ADGRF5: variants seen among roughly 807,000 people sequenced by gnomAD.
ADGRF5 encodes adhesion G protein-coupled receptor F5, also known as G-protein coupled receptor 116.
Under a neutral mutation model 132.3 loss-of-function variants are expected in ADGRF5, and 75 were observed. That is an observed-to-expected ratio of 0.57 (90% CI 0.47 to 0.69). ADGRF5 has a LOEUF of 0.69. ADGRF5 is among the 30% of genes least tolerant of loss of function. The probability of loss-of-function intolerance (pLI) is 0.00; values close to 1 mark genes in which losing one functional copy is unlikely to be tolerated. For missense variants in ADGRF5, 1,516 were observed against 1,630.6 expected (o/e 0.93, Z 1.21); for synonymous variants, 629 against 597.6 (o/e 1.05, Z -0.77).
intron 14 of ADGRF5, 49 bp from the exon 15 acceptor site, chr6:46,863,145 TA>T: frequency 7.3e-7 from 1 of 1,377,084 alleles, no homozygotes; most frequent in African/African-American, 1.4e-5. Context: ...GAAGAGACAA[TA>T]TAGTAGAAAT....
Position 46,858,896 on chromosome 6 carries a change from C to G in ADGRF5, c.3007G>C (p.Asp1003His), listed in dbSNP as rs775202767. The change falls in exon 17 of 21, where the codon GAT becomes CAT. Residue 1003 changes from aspartate (D) to histidine (H), a missense_variant. Transcript: ENST00000283296. ...AGTATTCCCAGGAGAGAACTAGGATCTGGGGAGTCAGGGGACATGAGGATG... is the reference window on the plus strand; with the variant it reads ...AGTATTCCCAGGAGAGAACTAGGATGTGGGGAGTCAGGGGACATGAGGATG... ...FSILMSPDSP[D>H]PSSLLGILLD... is the part of the protein sequence containing the mutation. The G allele has an allele frequency of 6.2e-7, 1 of 1,614,112 alleles. No homozygotes were observed. The highest frequency in any genetic ancestry group is 2.2e-5 in the East Asian group (1 of 44,870).
intron 2 of ADGRF5, among the ~76,000 whole-genome samples, chr6:46,902,743 A>G (rs1774902877): frequency 6.6e-6 from 1 of 152,166 alleles, no homozygotes; most frequent in Non-Finnish European, 1.5e-5. Flanking sequence ...GTCCAGTGGG[A>G]GCAGCCTACT....
chr6:46,858,830 A>G lies in ADGRF5; in HGVS notation c.3073T>C (p.Leu1025=), dbSNP rs373911954. 28 of 1,614,036 alleles carry G rather than the reference A, an allele frequency of 1.7e-5. No homozygotes were observed. Among genetic ancestry groups the G allele is most frequent in the Non-Finnish European group, 2.4e-5 (28 of 1,180,004 alleles). The part of the protein sequence containing the change: ...ISYVGVGFSI[L]SLAACLVVEA... ...ACAACTAGACAGGCTGCCAAGCTCAAGATGGAAAAGCCCACCCCAACATAA... is the reference window on the plus strand; with the variant it reads ...ACAACTAGACAGGCTGCCAAGCTCAGGATGGAAAAGCCCACCCCAACATAA... The change falls in exon 17 of 21, where the codon TTG becomes CTG. Residue 1025 remains leucine, a synonymous_variant. Coordinates refer to ENST00000283296, the MANE Select transcript of ADGRF5 (RefSeq NM_001098518.2).
intron 16 of ADGRF5, 79 bp downstream of exon 16, chr6:46,860,636 G>C: frequency 1.0e-6 from 1 of 996,766 alleles, no homozygotes; most frequent in East Asian, 2.4e-5. Context: ...CAATGGGGAG[G>C]AATTACGTTT....
rs934623698 is a variant in ADGRF5 at position 46,853,792 on chromosome 6, G to A, written c.*200C>T. On this transcript the variant is annotated 3_prime_UTR_variant, in exon 21 of 21. Coordinates refer to ENST00000283296, the MANE Select transcript of ADGRF5 (RefSeq NM_001098518.2). ...CATGTGGTATCACACAAGGGGGAGG[G>A]GGAGGGAACAAACAGAAACATAACA... 2.3e-6 allele frequency: 1 copy of A among 440,068 alleles called. No individual in the cohort carries two copies. Among genetic ancestry groups the A allele is most frequent in the Non-Finnish European group, 4.0e-6 (1 of 247,920 alleles). The allele number at this position is 440,068 out of a possible 1,614,324, so 27.3% of individuals were successfully genotyped here.
chr6:46,885,376 CA>C, intron 4 of ADGRF5, among the ~76,000 whole-genome samples: 1 of 152,212 alleles, frequency 6.6e-6, no homozygotes, highest in African/African-American at 2.4e-5. Flanking sequence ...TTCTGACCCT[CA>C]AAAACTGAGT....
At chr6:46,951,813 C>T (rs1023755721) in intron 1 of ADGRF5, among the ~76,000 whole-genome samples, 6 of 152,284 alleles carry the variant, frequency 3.9e-5, no homozygotes, top group South Asian at 2.1e-4. Context: ...CCAGGAGTCA[C>T]GGGCAAACTG....
rs577543558 is a variant in ADGRF5 at position 46,883,688 on chromosome 6, A to G, written c.506-23T>C. The G allele has an allele frequency of 4.3e-5, 52 of 1,200,142 alleles. 1 individual carries two copies. The South Asian group carries it at 6.6e-4, about 15-fold the overall frequency. The allele number at this position is 1,200,142 out of a possible 1,614,324, so 74.3% of individuals were successfully genotyped here. A position where few individuals can be genotyped will look rare whatever the true frequency, so the allele number is the denominator to read the frequency against. On this transcript the variant is annotated intron_variant, in intron 5 of 20. Transcript: ENST00000283296. ...CATCTGTTGAAAAACACAGGGCAAT[A>G]TTTAAAAATATGTTAATGTCTGAGT...
Position 46,859,078 on chromosome 6 carries a change from A to G in ADGRF5, c.2825T>C (p.Phe942Ser), listed in dbSNP as rs771586924. Residue 942 changes from phenylalanine (F) to serine (S), a missense_variant, in exon 17 of 21, where the codon TTT becomes TCT. By Grantham distance (155) the Phe-to-Ser change is radical (BLOSUM62 -2). Transcript: ENST00000283296. ...TTMPFRISMT[F>S]KNNSPSGGET... ...GCCGCCTGAAGGGCTATTGTTCTTA[A>G]AAGTCATTGAAATCCTGAATGGCAT... The G allele has an allele frequency of 1.2e-6, 2 of 1,614,096 alleles. No homozygotes were observed. Among genetic ancestry groups the G allele is most frequent in the Non-Finnish European group, 1.7e-6 (2 of 1,179,928 alleles).
At chr6:46,946,418 A>G (rs1778304735) in intron 1 of ADGRF5, among the ~76,000 whole-genome samples, 1 of 152,204 alleles carries the variant, frequency 6.6e-6, no homozygotes, top group African/African-American at 2.4e-5. Context: ...ACACAATGTG[A>G]ATGGTTGGTG....
In ADGRF5 at chr6:46,860,723, T is replaced by A. The variant is rs1392881203; in HGVS notation, c.2371A>T (p.Met791Leu). ...AGGTTAAGCAAACTCACCGTCATCA[T>A]TTCTGAATTTACTTGGGTTGGAACT... is the stretch of plus-strand genomic sequence containing the variant. ...STVPTQVNSEMMTHVLSTVNV... is the reference protein window; with the variant it reads ...STVPTQVNSELMTHVLSTVNV... The change falls in exon 16 of 21, where the codon ATG becomes TTG. Residue 791 changes from methionine (M) to leucine (L), a missense_variant. Coordinates refer to ENST00000283296, the MANE Select transcript of ADGRF5 (RefSeq NM_001098518.2). 6.2e-7 allele frequency: 1 copy of A among 1,611,276 alleles called. No individual in the cohort carries two copies. The highest frequency in any genetic ancestry group is 8.5e-7 in the Non-Finnish European group (1 of 1,177,828).
chr6:46,900,872 C>A (rs576037185), intron 2 of ADGRF5, among the ~76,000 whole-genome samples: 1 of 152,156 alleles, frequency 6.6e-6, no homozygotes, highest in Non-Finnish European at 1.5e-5. Flanking sequence ...AAGGACTCTG[C>A]AGACATTGAG....
intron 7 of ADGRF5, 106 bp from the exon 8 acceptor site, chr6:46,881,703 C>A (rs1374300361): frequency 1.1e-6 from 1 of 911,068 alleles, no homozygotes; most frequent in Non-Finnish European, 1.7e-6. Flanking sequence ...CTGCCTGATG[C>A]AGCATGCAAA....
intron 1 of ADGRF5, among the ~76,000 whole-genome samples, chr6:46,927,533 G>C (rs150110122): frequency 0.011 from 1,725 of 152,192 alleles, 10 homozygotes; most frequent in Middle Eastern, 0.034. Flanking sequence ...AATAATGGTT[G>C]TAAGTAGAAT....
rs768485126 is a variant in ADGRF5, at chr6:46,871,900, T to C, written c.1354A>G (p.Ile452Val). Residue 452 changes from isoleucine (I) to valine (V), a missense_variant, in exon 11 of 21, where the codon ATC (isoleucine) becomes GTC (valine). Coordinates refer to ENST00000283296, the MANE Select transcript of ADGRF5 (RefSeq NM_001098518.2). ...CTGCCTCTGGCTCCATAGGCACTGA[T>C]GAACTCACAAGTGTAGATGACTGTT... is the stretch of plus-strand genomic sequence containing the variant. Reference protein sequence around the residue: ...GTTVIYTCEFISAYGARGSAN... With the variant: ...GTTVIYTCEFVSAYGARGSAN... 1 of 1,612,696 alleles carries C rather than the reference T, an allele frequency of 6.2e-7. No individual in the cohort carries two copies. Among genetic ancestry groups the C allele is most frequent in the Non-Finnish European group, 8.5e-7 (1 of 1,178,954 alleles).
upstream of ADGRF5, among the ~76,000 whole-genome samples, chr6:46,922,366 G>A (rs1450283540): frequency 6.6e-6 from 1 of 152,166 alleles, no homozygotes; most frequent in Non-Finnish European, 1.5e-5. Flanking sequence ...CCTCCCCCGC[G>A]GGAGGGCTGT....
chr6:46,879,728 C>T, intron 9 of ADGRF5, 90 bp downstream of exon 9: 1 of 887,784 alleles, frequency 1.1e-6, no homozygotes, highest in South Asian at 1.4e-5. Context: ...AAAACACTAT[C>T]TACATAGCTA....
chr6:46,889,213 TAGAG>T (rs963395000), intron 3 of ADGRF5, among the ~76,000 whole-genome samples: 5 of 146,540 alleles, frequency 3.4e-5, no homozygotes, highest in South Asian at 2.1e-4. Context: ...ATAAAATATA[TAGAG>T]AGAGTATATA....
rs1431882366 is a variant in ADGRF5 at position 46,859,447 on chromosome 6, G to T, written c.2456C>A (p.Thr819Asn). 1.9e-6 allele frequency: 3 copies of T among 1,613,118 alleles called. No individual in the cohort carries two copies. Among genetic ancestry groups the T allele is most frequent in the Non-Finnish European group, 2.5e-6 (3 of 1,179,228 alleles). Residue 819 changes from threonine to asparagine, a missense_variant, in exon 17 of 21, where the codon ACC (threonine) becomes AAC (asparagine). This residue lies in a region of ADGRF5 where 571 missense variants were observed against 701.2 expected (regional missense o/e 0.81). Coordinates refer to ENST00000283296, the MANE Select transcript of ADGRF5 (RefSeq NM_001098518.2). ...NTWKVLQQQW[T>N]NQSSQLLHSV... ...ATGTAGTAGCTGTGAACTCTGATTG[G>T]TCCATTGCTGTTGTAAAACCTTCCA...
Sources: gnomAD v4.1 joint callset for allele counts (sites outside exome capture counted in the v4.1 genomes callset) on GRCh38, gnomAD v4.1.1 for gene constraint, gnomAD v4.1.1 regional missense constraint, MANE v1.5 for transcripts, NCBI Gene and HGNC (gene_info 2026-07-23, HGNC 2026-07-21) for gene names.